Variants in MPDZ observed in about 807,000 individuals in gnomAD.
The protein encoded by MPDZ is multiple PDZ domain crumbs cell polarity complex component.
Under a neutral mutation model 239.1 loss-of-function variants are expected in MPDZ, and 234 were observed. The observed-to-expected ratio is 0.98, with a 90% CI of 0.88 to 1.09. The LOEUF (loss-of-function observed/expected upper bound fraction) is 1.09. Among genes scored for constraint, MPDZ ranks in the 50% least tolerant of loss-of-function variants. MPDZ has a pLI of 0.00. For synonymous variants in MPDZ, 1,048 were observed against 881.3 expected (o/e 1.19, Z -3.35); for missense variants, 3,175 against 2,510.0 (o/e 1.26, Z -5.66).
chr9:13,259,924 C>T (rs1970286211), intron 1 of MPDZ, among the ~76,000 whole-genome samples: 1 of 152,154 alleles, frequency 6.6e-6, no homozygotes, highest in South Asian at 2.1e-4. Flanking sequence ...ACCTCCGCCT[C>T]CCAGGTTCAA....
chr9:13,183,351 G>A, intron 19 of MPDZ, 67 bp downstream of exon 19: 1 of 1,315,104 alleles, frequency 7.6e-7, no homozygotes, highest in Non-Finnish European at 1.0e-6. Context: ...CTCCCCATAA[G>A]GACTGAGCTC....
Position 13,113,946 on chromosome 9 carries a change from A to G in MPDZ, c.5542T>C (p.Ser1848Pro), listed in dbSNP as rs775379892. ...CCAATCTTACATGCATTCTTCTTTG[A>G]GCTACTTTCCAGTGACTCAGATGTA... ...SSTSESLESSSKKNALASEIQ... is the reference protein window; with the variant it reads ...SSTSESLESSPKKNALASEIQ... Residue 1848 changes from serine to proline, a missense_variant, in exon 41 of 47, where the codon TCA (serine) becomes CCA (proline). Coordinates refer to ENST00000319217, the MANE Select transcript of MPDZ (RefSeq NM_001378778.1). The G allele has an allele frequency of 1.3e-6, 2 of 1,592,514 alleles. No homozygotes were observed. Among genetic ancestry groups the G allele is most frequent in the Non-Finnish European group, 1.7e-6 (2 of 1,168,488 alleles).
intron 31 of MPDZ, chr9:13,135,862 C>G (rs1395236393): frequency 8.6e-6 from 3 of 350,658 alleles, no homozygotes; most frequent in East Asian, 9.1e-5. Context: ...ACTGATAACT[C>G]TTTTCCTACC....
At chr9:13,218,446 G>A (rs1052517027) in intron 8 of MPDZ, among the ~76,000 whole-genome samples, 2 of 151,686 alleles carry the variant, frequency 1.3e-5, no homozygotes, top group East Asian at 1.9e-4. Context: ...AGTGGTTTTC[G>A]GTATTGCATT....
chr9:13,120,558 C>T (rs938810280), intron 38 of MPDZ: 1 of 152,096 alleles, frequency 6.6e-6, no homozygotes, highest in African/African-American at 2.4e-5. Context: ...ATACTGTATT[C>T]CAAAAAAAGT....
intron 27 of MPDZ, 116 bp from the exon 28 acceptor site, chr9:13,140,265 T>A (rs1947451533): frequency 3.3e-6 from 3 of 900,906 alleles, no homozygotes; most frequent in East Asian, 2.7e-5. Flanking sequence ...ATCTAACAAA[T>A]AATGGAAAGC....
At chr9:13,121,220 T>C (rs1944296177) in intron 38 of MPDZ, among the ~76,000 whole-genome samples, 1 of 152,150 alleles carries the variant, frequency 6.6e-6, no homozygotes, top group African/African-American at 2.4e-5. Flanking sequence ...CCACTCTCCT[T>C]TAATAAACCA....
rs1005396400 is a variant in MPDZ at position 13,117,529 on chromosome 9, T to A, written c.5379+1973A>T. ...CTGGGCAACAGAGCGGGACTCCGTC[T>A]CAAAAAAAAAAAAAAGGTGTCATGA... On this transcript the variant is annotated intron_variant, in intron 39 of 46. Coordinates refer to ENST00000319217, the MANE Select transcript of MPDZ (RefSeq NM_001378778.1). Among the ~76,000 whole-genome samples, 142 of 91,926 alleles carry A rather than the reference T, an allele frequency of 1.5e-3. 4 individuals are homozygous for A. The East Asian group carries it at 0.038, about 24-fold the overall frequency. The allele number at this position is 91,926 out of a possible 152,430, so 60.3% of individuals were successfully genotyped here.
chr9:13,278,841 C>T (rs111653137), intron 1 of MPDZ, among the ~76,000 whole-genome samples: 213 of 152,122 alleles, frequency 1.4e-3, no homozygotes, highest in African/African-American at 4.8e-3. Flanking sequence ...CTACCGCAAC[C>T]CGCACATCCC....
chr9:13,163,336 T>TC, intron 22 of MPDZ, among the ~76,000 whole-genome samples: 1 of 152,198 alleles, frequency 6.6e-6, no homozygotes. Context: ...AAGTCTGAAG[T>TC]ATGAGATTAA....
intron 25 of MPDZ, among the ~76,000 whole-genome samples, chr9:13,149,087 T>C (rs551718667): frequency 2.5e-4 from 38 of 151,974 alleles, no homozygotes; most frequent in Middle Eastern, 3.4e-3. Context: ...AAATTTTAGG[T>C]AGTGTCCTAA....
At position 13,247,618 on chromosome 9, in the gene MPDZ, G is replaced by A; in HGVS notation, c.183+17C>T. ...ATGCCATGTCGTGAATGCCTGCTTG[G>A]GTGAATGATGTCCTACCTGGTCTTT... On this transcript the variant is annotated intron_variant, in intron 3 of 46. Coordinates refer to ENST00000319217, the MANE Select transcript of MPDZ (RefSeq NM_001378778.1). 3.1e-6 allele frequency: 5 copies of A among 1,599,572 alleles called. No homozygotes were observed. Among genetic ancestry groups the A allele is most frequent in the Non-Finnish European group, 4.3e-6 (5 of 1,169,110 alleles).
rs564598436 is a variant in MPDZ at position 13,107,232 on chromosome 9, G to C, written c.6067-121C>G. On this transcript the variant is annotated intron_variant, in intron 46 of 46. Coordinates refer to ENST00000319217, the MANE Select transcript of MPDZ (RefSeq NM_001378778.1). ...CTTGTACACACACACTGCTCCCAGT[G>C]CTCCATGGGTGCTCTAAGCCATTAA... The C allele has an allele frequency of 5.9e-6, 6 of 1,025,512 alleles. No homozygotes were observed. In the South Asian group the frequency reaches 1.4e-4, roughly 23 times the overall value. 63.5% of individuals were successfully genotyped at this position (1,025,512 alleles called of 1,614,324 possible).
At chr9:13,108,271 G>C (rs1020524898) in intron 46 of MPDZ, among the ~76,000 whole-genome samples, 1 of 151,734 alleles carries the variant, frequency 6.6e-6, no homozygotes, top group Non-Finnish European at 1.5e-5. Context: ...TAATTACATG[G>C]GTTTAAATTA....
At chr9:13,256,844 C>A (rs1408003212) in intron 1 of MPDZ, among the ~76,000 whole-genome samples, 1 of 152,080 alleles carries the variant, frequency 6.6e-6, no homozygotes, top group African/African-American at 2.4e-5. Context: ...AAAAATGGCA[C>A]CAATAGACTT....
At chr9:13,194,983 A>T (rs1955453567) in intron 13 of MPDZ, among the ~76,000 whole-genome samples, 1 of 152,082 alleles carries the variant, frequency 6.6e-6, no homozygotes, top group Non-Finnish European at 1.5e-5. Context: ...ATCATTTTGA[A>T]TGTTTAAAAA....
At chr9:13,277,284 G>C (rs1183790611) in intron 1 of MPDZ, among the ~76,000 whole-genome samples, 2 of 152,110 alleles carry the variant, frequency 1.3e-5, no homozygotes, top group Non-Finnish European at 2.9e-5. Context: ...GAGAAGGTAA[G>C]TGAAAAGAAT....
rs772519064 is a variant in MPDZ, at chr9:13,247,655, C to T, written c.163G>A (p.Val55Ile). Residue 55 changes from valine to isoleucine, a missense_variant, in exon 3 of 47, where the codon GTA (valine) becomes ATA (isoleucine). Transcript: ENST00000319217. ...CCTACCTGGTCTTTCAGCTGCTGTACAGAAGTCTGAAGGCTCAGAATCTGA... is the reference window on the plus strand; with the variant it reads ...CCTACCTGGTCTTTCAGCTGCTGTATAGAAGTCTGAAGGCTCAGAATCTGA... ...FSQILSLQTS[V>I]QQLKDQVNIA... The T allele has an allele frequency of 1.2e-6, 2 of 1,612,958 alleles. No individual in the cohort carries two copies. Among genetic ancestry groups the T allele is most frequent in the Non-Finnish European group, 1.7e-6 (2 of 1,179,152 alleles).
At chr9:13,260,144 A>G (rs1033826919) in intron 1 of MPDZ, among the ~76,000 whole-genome samples, 2 of 151,986 alleles carry the variant, frequency 1.3e-5, no homozygotes, top group African/African-American at 4.8e-5. Flanking sequence ...CCCAGCCATT[A>G]AAGAGTTTAG....
Sources: allele counts gnomAD v4.1 joint callset (sites outside exome capture counted in the v4.1 genomes callset), GRCh38; gene constraint gnomAD v4.1.1; transcripts MANE v1.5; gene names NCBI Gene and HGNC (gene_info 2026-07-23, HGNC 2026-07-21).